MCM6: variants seen among roughly 807,000 people sequenced by gnomAD.
MCM6 encodes the protein DNA replication licensing factor MCM6.
In MCM6, 46 loss-of-function variants were observed where a neutral mutation model predicts 94.3. That is an observed-to-expected ratio of 0.49 (90% confidence interval 0.39 to 0.62). The LOEUF is 0.62. Ranked by LOEUF, MCM6 falls within the 20% of genes least tolerant of loss-of-function variation. MCM6 has a pLI of 0.00. For synonymous variants in MCM6, 335 were observed against 351.9 expected (o/e 0.95, Z 0.54); for missense variants, 865 against 1,017.9 (o/e 0.85, Z 2.04).
At chr2:135,870,396 G>A in intron 2 of MCM6, 35 bp from the exon 3 acceptor site, 1 of 1,440,874 alleles carries the variant, frequency 6.9e-7, no homozygotes, top group Non-Finnish European at 9.8e-7. Flanking sequence ...TACCTTAGAG[G>A]TTTACCAAGG....
chr2:135,849,841 T>C (rs1679741150), intron 13 of MCM6, among the ~76,000 whole-genome samples: 1 of 152,024 alleles, frequency 6.6e-6, no homozygotes, highest in Non-Finnish European at 1.5e-5. Flanking sequence ...AATCTTAGAG[T>C]GAGAAAGGCC....
chr2:135,870,604 A>ATT (rs1032248816), intron 2 of MCM6, among the ~76,000 whole-genome samples: 1 of 152,230 alleles, frequency 6.6e-6, no homozygotes, highest in Non-Finnish European at 1.5e-5. Context: ...TAGCACATAA[A>ATT]TAATCATACA....
At chr2:135,860,818 A>G (rs1453169569) in intron 8 of MCM6, among the ~76,000 whole-genome samples, 1 of 152,248 alleles carries the variant, frequency 6.6e-6, no homozygotes, top group Non-Finnish European at 1.5e-5. Flanking sequence ...AAGATCAGGA[A>G]TAAGACATGG....
chr2:135,874,851 T>G (rs1302223791), intron 1 of MCM6, among the ~76,000 whole-genome samples: 1 of 152,094 alleles, frequency 6.6e-6, no homozygotes, highest in African/African-American at 2.4e-5. Flanking sequence ...CCTTAAAAAG[T>G]AAGGAAATTC....
In MCM6 at chr2:135,856,772, A is replaced by T. The variant is rs1006012077; in HGVS notation, c.1582T>A (p.Ser528Thr). ...AGGATAAAGAAGAGATCGAATCGGG[A>T]CATGATGGGAGCTGACAAATTTATA... ...QNINLSAPIM[S>T]RFDLFFILVD... Residue 528 changes from serine (S) to threonine (T), a missense_variant, in exon 11 of 17, where the codon TCC becomes ACC. Ser to Thr is a moderately conservative substitution (Grantham distance 58, BLOSUM62 1). This residue lies in a region of MCM6 where 153 missense variants were observed against 241.5 expected (regional missense o/e 0.63). Coordinates refer to ENST00000264156, the MANE Select transcript of MCM6 (RefSeq NM_005915.6). 3.7e-6 allele frequency: 6 copies of T among 1,614,110 alleles called. No individual in the cohort carries two copies. The African/African-American group carries it at 6.7e-5, about 18-fold the overall frequency.
At chr2:135,861,955 T>C (rs1269672531) in intron 8 of MCM6, among the ~76,000 whole-genome samples, 1 of 152,206 alleles carries the variant, frequency 6.6e-6, no homozygotes, top group Non-Finnish European at 1.5e-5. Context: ...GTTTGTATTC[T>C]TAGTCTCAAC....
chr2:135,864,983 G>A (rs1489272451), intron 7 of MCM6, 30 bp downstream of exon 7: 1 of 1,345,510 alleles, frequency 7.4e-7, no homozygotes, highest in Admixed American at 2.9e-5. Context: ...TTGATTTCAA[G>A]TTTATGGTAC....
chr2:135,866,543 T>G lies in MCM6; in HGVS notation c.781+20A>C. The G allele has an allele frequency of 6.3e-7, 1 of 1,594,674 alleles. No homozygotes were observed. The highest frequency in any genetic ancestry group is 1.1e-5 in the South Asian group (1 of 87,280). ...TTAGGTAACTGAGAATTTGTTAAAT[T>G]TGAGCCACAGATTACTGACCTGGTG... On this transcript the variant is annotated intron_variant, in intron 5 of 16. Coordinates refer to ENST00000264156, the MANE Select transcript of MCM6 (RefSeq NM_005915.6).
At chr2:135,866,451 T>A in intron 5 of MCM6, 112 bp downstream of exon 5, 1 of 1,414,486 alleles carries the variant, frequency 7.1e-7, no homozygotes, top group South Asian at 1.4e-5. Context: ...CACACTTCGT[T>A]CCTCAGCTTC....
intron 4 of MCM6, among the ~76,000 whole-genome samples, chr2:135,867,551 T>C (rs976613058): frequency 7.9e-5 from 12 of 152,160 alleles, no homozygotes; most frequent in African/African-American, 2.7e-4. Context: ...TAATAATTAT[T>C]CCATACTTGA....
intron 9 of MCM6, among the ~76,000 whole-genome samples, chr2:135,858,465 C>T (rs534377790): frequency 3.0e-4 from 46 of 152,150 alleles, no homozygotes; most frequent in African/African-American, 1.1e-3. Flanking sequence ...CCAGCCTGGG[C>T]GACAGAGCAA....
intron 13 of MCM6, among the ~76,000 whole-genome samples, chr2:135,848,843 A>ACT (rs1679716167): frequency 6.6e-6 from 1 of 152,068 alleles, no homozygotes; most frequent in Admixed American, 6.5e-5. Context: ...CGAGATTGTG[A>ACT]CACTGCACTC....
chr2:135,862,402 T>C (rs887677769), intron 8 of MCM6, among the ~76,000 whole-genome samples: 11 of 152,120 alleles, frequency 7.2e-5, no homozygotes, highest in African/African-American at 2.7e-4. Flanking sequence ...AACAGTTCAA[T>C]GTGAGATTGG....
rs1680301089 is a variant in MCM6 at position 135,876,440 on chromosome 2, TTG to T, written c.-77_-76del. 8.1e-7 allele frequency: 1 copy of T among 1,229,682 alleles called. No homozygotes were observed. 76.2% of individuals were successfully genotyped at this position (1,229,682 alleles called of 1,614,324 possible). On this transcript the variant is annotated 5_prime_UTR_variant, in exon 1 of 17. Coordinates refer to ENST00000264156, the MANE Select transcript of MCM6 (RefSeq NM_005915.6). ...TCGCTTTTTTCCAGACGCTGCAGCT[TTG>T]CGCGCGCCGCCGCCGCTTCCGCCCC...
At chr2:135,863,533 C>A (rs974524215) in intron 7 of MCM6, among the ~76,000 whole-genome samples, 5 of 151,912 alleles carry the variant, frequency 3.3e-5, no homozygotes, top group Non-Finnish European at 7.4e-5. Context: ...TGAGACCAGC[C>A]CAGGCAACAC....
chr2:135,841,995 C>T (rs1340382765), intron 16 of MCM6, among the ~76,000 whole-genome samples: 1 of 152,088 alleles, frequency 6.6e-6, no homozygotes, highest in Non-Finnish European at 1.5e-5. Context: ...ATCCCAGCTA[C>T]TCTGGAGGCT....
chr2:135,853,074 G>A (rs896753835), intron 11 of MCM6, among the ~76,000 whole-genome samples, 159 bp from the exon 12 acceptor site: 2 of 152,214 alleles, frequency 1.3e-5, no homozygotes. Context: ...TTGGGAACAG[G>A]TGGATTTAAA....
chr2:135,874,617 T>C (rs1032315236), intron 1 of MCM6, among the ~76,000 whole-genome samples: 2 of 152,292 alleles, frequency 1.3e-5, no homozygotes, highest in Admixed American at 1.3e-4. Flanking sequence ...TATATACAGG[T>C]TGAGCAGCCC....
At chr2:135,844,825 G>T in intron 15 of MCM6, 141 bp from the exon 16 acceptor site, 1 of 743,654 alleles carries the variant, frequency 1.3e-6, no homozygotes, top group Non-Finnish European at 2.0e-6. Context: ...GTGACGTAAG[G>T]TCCGCAATGT....
Sources: allele counts gnomAD v4.1 joint callset (sites outside exome capture counted in the v4.1 genomes callset), GRCh38; gene constraint gnomAD v4.1.1; regional missense constraint gnomAD v4.1.1; transcripts MANE v1.5; gene names NCBI Gene and HGNC (gene_info 2026-07-23, HGNC 2026-07-21).